ABCD2: variants seen among roughly 807,000 people sequenced by gnomAD.
ABCD2 encodes the protein ATP-binding cassette sub-family D member 2.
In ABCD2, 36 loss-of-function variants were observed where a neutral mutation model predicts 70.9. The observed-to-expected ratio is 0.51, with a 90% CI of 0.39 to 0.67. The LOEUF is 0.67. Among genes scored for constraint, ABCD2 ranks in the 30% least tolerant of loss-of-function variants. ABCD2 has a pLI of 0.00. For missense variants in ABCD2, 729 were observed against 890.2 expected (o/e 0.82, Z 2.30); for synonymous variants, 304 against 306.9 (o/e 0.99, Z 0.10).
At position 39,617,171 on chromosome 12, in the gene ABCD2, A is replaced by G. The variant is rs1302511375; in HGVS notation, c.940-3T>C. The stretch of plus-strand genomic sequence containing the variant: ...TTCTGAAGTTGTTTCATTTCTACCT[A>G]TAGAGAGGAAAAAGAGTTGAGGACT... On this transcript the variant is annotated splice_region_variant and splice_polypyrimidine_tract_variant and intron_variant, in intron 1 of 9. Transcript: ENST00000308666. 1.3e-6 allele frequency: 2 copies of G among 1,556,840 alleles called. No individual in the cohort carries two copies. The highest frequency in any genetic ancestry group is 1.7e-6 in the Non-Finnish European group (2 of 1,156,992).
rs1941119817 is a variant in ABCD2 at position 39,553,644 on chromosome 12, T to A, written c.*268A>T. ...ATATACATAGTAAATCTGGTATTCA[T>A]CATGAATTCACCTAGAAAATCCTGT... On this transcript the variant is annotated 3_prime_UTR_variant, in exon 10 of 10. Coordinates refer to ENST00000308666, the MANE Select transcript of ABCD2 (RefSeq NM_005164.4). The A allele has an allele frequency of 2.7e-6, 1 of 375,670 alleles. No homozygotes were observed. The highest frequency in any genetic ancestry group is 2.1e-5 in the African/African-American group (1 of 48,016). 23.3% of individuals were successfully genotyped at this position (375,670 alleles called of 1,614,324 possible). A position where few individuals can be genotyped will look rare whatever the true frequency, so the allele number is the denominator to read the frequency against.
chr12:39,600,539 T>C (rs755894379), intron 6 of ABCD2, 32 bp downstream of exon 6: 1 of 1,511,866 alleles, frequency 6.6e-7, no homozygotes, highest in Non-Finnish European at 8.9e-7. Flanking sequence ...CAAAAGGAAA[T>C]TGTTTCTTGT....
At chr12:39,579,668 G>A (rs780244265) in intron 7 of ABCD2, 49 bp from the exon 8 acceptor site, 3 of 1,427,566 alleles carry the variant, frequency 2.1e-6, no homozygotes, top group South Asian at 1.2e-5. Flanking sequence ...TTGTTTAATT[G>A]TTACTATTTC....
At chr12:39,567,057 G>T (rs1241967865) in intron 9 of ABCD2, among the ~76,000 whole-genome samples, 3 of 152,138 alleles carry the variant, frequency 2.0e-5, no homozygotes, top group African/African-American at 7.2e-5. Flanking sequence ...CCAACTATGT[G>T]GTCAATTTTG....
At chr12:39,557,949 G>A (rs1198398379) in intron 9 of ABCD2, among the ~76,000 whole-genome samples, 6 of 152,200 alleles carry the variant, frequency 3.9e-5, no homozygotes, top group African/African-American at 2.4e-5. Context: ...AGCCCCCACT[G>A]GGGCATTGCC....
At chr12:39,612,269 G>A (rs1942055490) in intron 2 of ABCD2, among the ~76,000 whole-genome samples, 1 of 152,094 alleles carries the variant, frequency 6.6e-6, no homozygotes, top group African/African-American at 2.4e-5. Flanking sequence ...AAAAGATCTG[G>A]ACAAAAATGT....
intron 6 of ABCD2, 43 bp downstream of exon 6, chr12:39,600,528 G>A (rs1373195044): frequency 2.0e-6 from 3 of 1,491,518 alleles, no homozygotes; most frequent in Non-Finnish European, 2.7e-6. Flanking sequence ...CAATTCAAGA[G>A]CAAAAGGAAA....
chr12:39,532,008 T>C, the ABCD2 span, among the ~76,000 whole-genome samples: 1 of 152,236 alleles, frequency 6.6e-6, no homozygotes, highest in Non-Finnish European at 1.5e-5. Context: ...AGAGAATAGA[T>C]GGATGGGACT....
intron 9 of ABCD2, among the ~76,000 whole-genome samples, chr12:39,557,753 A>G (rs182924842): frequency 7.7e-4 from 118 of 152,324 alleles, no homozygotes; most frequent in African/African-American, 2.8e-3. Context: ...CTGAGGGTAC[A>G]AGCCCCAGTC....
intron 9 of ABCD2, among the ~76,000 whole-genome samples, chr12:39,554,516 G>C (rs1003095880): frequency 6.6e-6 from 1 of 151,804 alleles, no homozygotes; most frequent in Non-Finnish European, 1.5e-5. Flanking sequence ...GAAAAACTAA[G>C]GAAAATAAAG....
chr12:39,562,407 AT>A (rs1037990290), intron 9 of ABCD2, among the ~76,000 whole-genome samples: 3 of 152,028 alleles, frequency 2.0e-5, no homozygotes, highest in Non-Finnish European at 2.9e-5. Flanking sequence ...TGAATAATTG[AT>A]TTTTTCAAAG....
At position 39,576,896 on chromosome 12, in the gene ABCD2, A is replaced by G. The variant is rs1034064873; in HGVS notation, c.1877+2639T>C. Among the ~76,000 whole-genome samples, 8 of 152,320 alleles carry G rather than the reference A, an allele frequency of 5.3e-5. No homozygotes were observed. The East Asian group carries it at 1.3e-3, about 26-fold the overall frequency. On this transcript the variant is annotated intron_variant, in intron 8 of 9. Transcript: ENST00000308666. The stretch of plus-strand genomic sequence containing the variant: ...TATACCTAAAATATGTGTATTTAGT[A>G]TATAAACTTTAGTACAATAACAATA...
chr12:39,550,178 G>A lies in ABCD2; in HGVS notation c.*3734C>T, dbSNP rs1941068146. On this transcript the variant is annotated 3_prime_UTR_variant, in exon 10 of 10. Transcript: ENST00000308666. ...ACTATTGTCTATAGTTCTACACACGGTTATATACAATACAATGTCTAAGTA... is the reference window on the plus strand; with the variant it reads ...ACTATTGTCTATAGTTCTACACACGATTATATACAATACAATGTCTAAGTA... 2 of 151,554 alleles carry A rather than the reference G, an allele frequency of 1.3e-5. No individual in the cohort carries two copies. The highest frequency in any genetic ancestry group is 2.1e-4 in the South Asian group (1 of 4,812). 9.4% of individuals were successfully genotyped at this position (151,554 alleles called of 1,614,324 possible).
At chr12:39,607,745 GT>G (rs58771682) in intron 2 of ABCD2, 31 bp from the exon 3 acceptor site, 88,409 of 771,488 alleles carry the variant, frequency 0.11, 3,694 homozygotes, top group African/African-American at 0.38. Context: ...CAAAACTTGA[GT>G]TTTTTTTTTT....
intron 2 of ABCD2, among the ~76,000 whole-genome samples, chr12:39,612,115 A>G (rs962368302): frequency 1.3e-5 from 2 of 152,174 alleles, no homozygotes; most frequent in Non-Finnish European, 2.9e-5. Context: ...GAACCCTTAC[A>G]CATTGCTGTT....
intron 7 of ABCD2, among the ~76,000 whole-genome samples, chr12:39,581,757 G>A (rs564230799): frequency 2.4e-4 from 36 of 152,196 alleles, no homozygotes; most frequent in African/African-American, 8.4e-4. Context: ...CACGTTCTTT[G>A]TTCTACTAAA....
intron 9 of ABCD2, among the ~76,000 whole-genome samples, chr12:39,563,423 T>C (rs1941290912): frequency 6.6e-6 from 1 of 151,992 alleles, no homozygotes; most frequent in Admixed American, 6.6e-5. Context: ...ATAACATGTT[T>C]TCTGTAAGAT....
chr12:39,594,527 A>G (rs1941788943), intron 6 of ABCD2, among the ~76,000 whole-genome samples: 1 of 152,208 alleles, frequency 6.6e-6, no homozygotes, highest in African/African-American at 2.4e-5. Context: ...ATTTTTTAAA[A>G]CACACACACT....
At chr12:39,547,336 A>T (rs779178359), downstream of ABCD2, among the ~76,000 whole-genome samples, 2 of 152,144 alleles carry the variant, frequency 1.3e-5, no homozygotes, top group African/African-American at 4.8e-5. Flanking sequence ...GTATATATCC[A>T]AAAGAACTGA....
Sources: gnomAD v4.1 joint callset for allele counts (sites outside exome capture counted in the v4.1 genomes callset) on GRCh38, gnomAD v4.1.1 for gene constraint, MANE v1.5 for transcripts, NCBI Gene and HGNC (gene_info 2026-07-23, HGNC 2026-07-21) for gene names.